ANGPT1: variants seen among roughly 807,000 people sequenced by gnomAD.
ANGPT1 encodes the protein angiopoietin-1.
ANGPT1 carries 17 observed loss-of-function variants against 62.2 expected under a neutral mutation model. The observed-to-expected ratio is 0.27, with a 90% CI of 0.19 to 0.41. The LOEUF (loss-of-function observed/expected upper bound fraction) is 0.41. Ranked by LOEUF, ANGPT1 falls within the 10% of genes least tolerant of loss-of-function variation. ANGPT1 has a pLI of 1.00. For missense variants in ANGPT1, 478 were observed against 594.9 expected (o/e 0.80, Z 2.04); for synonymous variants, 199 against 198.9 (o/e 1.00, Z 0.00).
In ANGPT1 at chr8:107,257,870, G is replaced by GTTTTTTT. The variant is rs750634420; in HGVS notation, c.1337-5856_1337-5855insAAAAAAA. On this transcript the variant is annotated intron_variant, in intron 8 of 8. Coordinates refer to ENST00000517746, the MANE Select transcript of ANGPT1 (RefSeq NM_001146.5). ...TATATCCTCTTCAGGCCAAGGACTT[G>GTTTTTTT]TTTTTGTTTCTTTTTTGTTTGTTTG... Among the ~76,000 whole-genome samples the GTTTTTTT allele has an allele frequency of 2.3e-3, 103 of 45,116 alleles. 6 individuals are homozygous for GTTTTTTT. Among genetic ancestry groups the GTTTTTTT allele is most frequent in the Non-Finnish European group, 2.5e-3 (53 of 21,630 alleles). The allele number at this position is 45,116 out of a possible 152,430, so 29.6% of individuals were successfully genotyped here.
intron 1 of ANGPT1, among the ~76,000 whole-genome samples, chr8:107,356,495 G>A (rs895242080): frequency 4.6e-5 from 7 of 152,104 alleles, no homozygotes; most frequent in African/African-American, 1.2e-4. Flanking sequence ...TCTTTCCAGA[G>A]GCAGTCCCAA....
rs1304111018 is a variant in ANGPT1, at chr8:107,251,040, T to C, written c.*815A>G. ...CTTTTAACTTTACTCAGGCTATAAA[T>C]ATATTTATATATCATTCAATCAGTT... On this transcript the variant is annotated 3_prime_UTR_variant, in exon 9 of 9. Transcript: ENST00000517746. The C allele has an allele frequency of 2.0e-5, 3 of 152,184 alleles. No individual in the cohort carries two copies. The highest frequency in any genetic ancestry group is 1.3e-4 in the Admixed American group (2 of 15,270). The allele number at this position is 152,184 out of a possible 1,614,324, so 9.4% of individuals were successfully genotyped here.
At chr8:107,472,438 A>C (rs1420448636) in intron 1 of ANGPT1, among the ~76,000 whole-genome samples, 1 of 152,078 alleles carries the variant, frequency 6.6e-6, no homozygotes, top group Non-Finnish European at 1.5e-5. Context: ...AGGTTTTTTC[A>C]CTGTATTTGA....
At chr8:107,386,441 G>C (rs951850259) in intron 1 of ANGPT1, among the ~76,000 whole-genome samples, 9 of 152,072 alleles carry the variant, frequency 5.9e-5, no homozygotes, top group Admixed American at 4.6e-4. Flanking sequence ...CACAGCAAGA[G>C]AAAAAAGAAG....
intron 1 of ANGPT1, among the ~76,000 whole-genome samples, chr8:107,395,512 A>C (rs1816918319): frequency 6.6e-6 from 1 of 152,178 alleles, no homozygotes; most frequent in Non-Finnish European, 1.5e-5. Context: ...ATCTTTGCCA[A>C]TTAAAGATGA....
intron 5 of ANGPT1, among the ~76,000 whole-genome samples, chr8:107,302,439 C>T (rs1814614142): frequency 6.6e-6 from 1 of 151,946 alleles, no homozygotes; most frequent in Admixed American, 6.6e-5. Flanking sequence ...CCCATATACC[C>T]TGCTTTACAC....
rs115259759 is a variant in ANGPT1, at chr8:107,318,078, T to C, written c.808+3818A>G. Among the ~76,000 whole-genome samples the C allele has an allele frequency of 2.0e-3, 312 of 152,316 alleles. 1 individual carries two copies. The highest frequency in any genetic ancestry group is 7.0e-3 in the African/African-American group (289 of 41,566). ...TTGAATTGCCAAAAACATGAAGCAA[T>C]AGGCTGAGCTTTGACATTGTGATAA... On this transcript the variant is annotated intron_variant, in intron 4 of 8. Coordinates refer to ENST00000517746, the MANE Select transcript of ANGPT1 (RefSeq NM_001146.5).
At chr8:107,340,654 G>A (rs1317926015) in intron 2 of ANGPT1, among the ~76,000 whole-genome samples, 2 of 136,810 alleles carry the variant, frequency 1.5e-5, no homozygotes, top group African/African-American at 5.5e-5. Flanking sequence ...CCCAGCAATT[G>A]TTTGTATTTT....
At chr8:107,385,532 AG>A (rs1242185073) in intron 1 of ANGPT1, among the ~76,000 whole-genome samples, 4 of 152,066 alleles carry the variant, frequency 2.6e-5, no homozygotes, top group Non-Finnish European at 5.9e-5. Context: ...TCCTTTGGGC[AG>A]AGATTATGGG....
At chr8:107,356,163 T>C (rs888930415) in intron 1 of ANGPT1, among the ~76,000 whole-genome samples, 2 of 152,154 alleles carry the variant, frequency 1.3e-5, no homozygotes, top group African/African-American at 4.8e-5. Context: ...TGAAAACAAA[T>C]ATCCTCACTT....
intron 8 of ANGPT1, among the ~76,000 whole-genome samples, chr8:107,262,861 C>A (rs1813524915): frequency 6.6e-6 from 1 of 152,172 alleles, no homozygotes; most frequent in African/African-American, 2.4e-5. Flanking sequence ...TGGGTTTTAT[C>A]TTAGTGTTTC....
intron 4 of ANGPT1, among the ~76,000 whole-genome samples, chr8:107,309,675 C>A (rs1437893366): frequency 1.3e-5 from 2 of 152,090 alleles, no homozygotes; most frequent in African/African-American, 2.4e-5. Flanking sequence ...TATAGCTACA[C>A]AAATACATAC....
chr8:107,433,462 A>T (rs1215957428), intron 1 of ANGPT1, among the ~76,000 whole-genome samples: 1 of 152,224 alleles, frequency 6.6e-6, no homozygotes, highest in Non-Finnish European at 1.5e-5. Flanking sequence ...GGTTATTAAT[A>T]AAGAGACATT....
chr8:107,494,762 T>C (rs1813049781), intron 1 of ANGPT1: 1 of 152,208 alleles, frequency 6.6e-6, no homozygotes, highest in Non-Finnish European at 1.5e-5. Flanking sequence ...TGGAAGGTGA[T>C]GGATTAACAT....
In ANGPT1 at chr8:107,347,401, G is replaced by C. The variant is rs116167285; in HGVS notation, c.298-304C>G. Among the ~76,000 whole-genome samples the C allele has an allele frequency of 3.9e-3, 584 of 151,106 alleles. 6 individuals are homozygous for C. The highest frequency in any genetic ancestry group is 0.014 in the African/African-American group (562 of 40,470). ...GCCTTTATAGCAAAGATGTATCACA[G>C]TCAGCTTTATTGTTTTGTTTATTTT... On this transcript the variant is annotated intron_variant, in intron 1 of 8. Coordinates refer to ENST00000517746, the MANE Select transcript of ANGPT1 (RefSeq NM_001146.5).
At chr8:107,457,866 A>ACACCCC (rs765608644) in intron 1 of ANGPT1, among the ~76,000 whole-genome samples, 1 of 115,978 alleles carries the variant, frequency 8.6e-6, no homozygotes, top group African/African-American at 3.9e-5. Context: ...ACACACACAC[A>ACACCCC]CCAAGAGGGG....
chr8:107,346,754 T>C (rs1815812261), intron 2 of ANGPT1, among the ~76,000 whole-genome samples, 188 bp downstream of exon 2: 1 of 152,132 alleles, frequency 6.6e-6, no homozygotes, highest in Non-Finnish European at 1.5e-5. Context: ...AAGCTAAATA[T>C]ACCAACCCTC....
At chr8:107,274,664 C>A (rs1813817478) in intron 7 of ANGPT1, among the ~76,000 whole-genome samples, 1 of 151,922 alleles carries the variant, frequency 6.6e-6, no homozygotes, top group African/African-American at 2.4e-5. Flanking sequence ...CATTTTATAC[C>A]ATAAACCTTT....
intron 1 of ANGPT1, among the ~76,000 whole-genome samples, chr8:107,376,653 G>A (rs2130259959): frequency 6.6e-6 from 1 of 152,188 alleles, no homozygotes; most frequent in African/African-American, 2.4e-5. Flanking sequence ...GATACGGTAA[G>A]GCCTAGCCAA....
Sources: gnomAD v4.1 joint callset for allele counts (sites outside exome capture counted in the v4.1 genomes callset) on GRCh38, gnomAD v4.1.1 for gene constraint, MANE v1.5 for transcripts, NCBI Gene and HGNC (gene_info 2026-07-23, HGNC 2026-07-21) for gene names.